The following FAT3 variants were observed in gnomAD, a reference collection of about 807,000 sequenced individuals.
The protein encoded by FAT3 is FAT atypical cadherin 3, also known as protocadherin Fat 3.
Under a neutral mutation model 310.2 loss-of-function variants are expected in FAT3, and 95 were observed. The observed-to-expected ratio is 0.31, with a 90% CI of 0.26 to 0.36. FAT3 has a LOEUF of 0.36. Ranked by LOEUF, FAT3 falls within the 10% of genes least tolerant of loss-of-function variation. The pLI is 1.00. For synonymous variants in FAT3, 2,314 were observed against 2,192.9 expected, an observed-to-expected ratio of 1.06 and a Z score of -1.54; for missense variants, 5,408 against 5,715.6, an observed-to-expected ratio of 0.95 and a Z score of 1.74.
At chr11:92,754,866 AAAAAATAAT>A (rs1017554702) in intron 4 of FAT3, among the ~76,000 whole-genome samples, 17 of 151,880 alleles carry the variant, frequency 1.1e-4, no homozygotes, top group African/African-American at 3.6e-4. Context: ...GACTTGATCT[AAAAAATAAT>A]AATAATAATA....
intron 1 of FAT3, among the ~76,000 whole-genome samples, chr11:92,311,568 C>T (rs974051014): frequency 6.6e-6 from 1 of 152,182 alleles, no homozygotes; most frequent in African/African-American, 2.4e-5. Context: ...AATATTGATG[C>T]ATCCACTTAA....
Position 92,770,605 on chromosome 11 carries a change from A to G in FAT3, c.4196-3436A>G, listed in dbSNP as rs138418811. On this transcript the variant is annotated intron_variant, in intron 6 of 27. Coordinates refer to ENST00000525166, the MANE Select transcript of FAT3 (RefSeq NM_001367949.2). Reference sequence around the variant, plus strand: ...TCCGTGTTCTGGAAGCTGCTCACATAACACCTTCCCCTTGGTGACAACTAG... The same window carrying G: ...TCCGTGTTCTGGAAGCTGCTCACATGACACCTTCCCCTTGGTGACAACTAG... 3.3e-5 allele frequency among the ~76,000 whole-genome samples: 5 copies of G among 152,208 alleles called. No individual in the cohort carries two copies. In the East Asian group the frequency reaches 9.7e-4, roughly 29 times the overall value.
intron 7 of FAT3, among the ~76,000 whole-genome samples, chr11:92,777,927 C>T (rs990930817): frequency 2.6e-5 from 4 of 151,948 alleles, no homozygotes; most frequent in Non-Finnish European, 4.4e-5. Flanking sequence ...GGGTTTGCCT[C>T]ACATGTTGCT....
At chr11:92,805,078 C>CACCT in intron 10 of FAT3, 75 bp from the exon 11 acceptor site, 16 of 1,453,488 alleles carry the variant, frequency 1.1e-5, no homozygotes, top group Non-Finnish European at 1.3e-5. Context: ...ACTCCACATG[C>CACCT]ACCTCTCAAG....
Position 92,831,911 on chromosome 11 carries a change from T to G in FAT3, c.9771T>G (p.Ala3257=). The G allele has an allele frequency of 1.2e-6, 2 of 1,610,696 alleles. No homozygotes were observed. The highest frequency in any genetic ancestry group is 1.7e-6 in the Non-Finnish European group (2 of 1,178,488). Residue 3257 remains alanine, a synonymous_variant, in exon 14 of 28, where the codon GCT becomes GCG. Coordinates refer to ENST00000525166, the MANE Select transcript of FAT3 (RefSeq NM_001367949.2). The part of the protein sequence containing the change: ...EDTSPGTQVL[A]VFATSKDIGT... Reference sequence around the variant, plus strand: ...CCTCCCCTGGCACCCAAGTCCTTGCTGTTTTTGCCACCAGCAAAGATATTG... The same window carrying G: ...CCTCCCCTGGCACCCAAGTCCTTGCGGTTTTTGCCACCAGCAAAGATATTG...
chr11:92,876,781 A>G (rs1949544996), intron 22 of FAT3, among the ~76,000 whole-genome samples: 1 of 152,250 alleles, frequency 6.6e-6, no homozygotes, highest in African/African-American at 2.4e-5. Context: ...TGTAATGGGT[A>G]TTCAGCAAAA....
Position 92,541,830 on chromosome 11 carries a change from G to A in FAT3, c.3607+16882G>A, listed in dbSNP as rs369049757. Among the ~76,000 whole-genome samples, 39 of 152,234 alleles carry A rather than the reference G, an allele frequency of 2.6e-4. No individual in the cohort carries two copies. The South Asian group carries it at 7.9e-3, about 31-fold the overall frequency. On this transcript the variant is annotated intron_variant, in intron 3 of 27. Transcript: ENST00000525166. The stretch of plus-strand genomic sequence containing the variant: ...AAAATGCCCGTTACTTTTATAAATA[G>A]GAGAAATACGGGAGTTGGTCTTTGC...
At chr11:92,516,752 C>G (rs1016455563) in intron 2 of FAT3, among the ~76,000 whole-genome samples, 4 of 152,138 alleles carry the variant, frequency 2.6e-5, no homozygotes, top group African/African-American at 9.7e-5. Flanking sequence ...GTCGTCTCAG[C>G]CCCAAATTTC....
intron 3 of FAT3, among the ~76,000 whole-genome samples, chr11:92,610,155 G>GA (rs1940494846): frequency 6.6e-6 from 1 of 152,110 alleles, no homozygotes; most frequent in Admixed American, 6.5e-5. Flanking sequence ...TTTGCTAACT[G>GA]AATTAAATGA....
chr11:92,691,860 AAGC>A (rs1943806519), intron 3 of FAT3, among the ~76,000 whole-genome samples: 1 of 152,194 alleles, frequency 6.6e-6, no homozygotes, highest in Non-Finnish European at 1.5e-5. Context: ...TTTTTTAAAA[AAGC>A]AACCATGTAA....
intron 1 of FAT3, among the ~76,000 whole-genome samples, chr11:92,240,196 A>ACATTTTTTT (rs201645733): frequency 0.031 from 4,738 of 152,136 alleles, 119 homozygotes; most frequent in South Asian, 0.053. Context: ...TTTTAGTTTT[A>ACATTTTTTT]CATTTTTTTC....
intron 4 of FAT3, among the ~76,000 whole-genome samples, chr11:92,742,614 G>C (rs982541420): frequency 1.3e-5 from 2 of 152,128 alleles, no homozygotes; most frequent in Non-Finnish European, 2.9e-5. Context: ...TCTCAGGAGT[G>C]GGTTCTGGAT....
intron 2 of FAT3, among the ~76,000 whole-genome samples, chr11:92,397,257 G>C (rs553429156): frequency 6.6e-6 from 1 of 152,248 alleles, no homozygotes; most frequent in African/African-American, 2.4e-5. Context: ...GCACTAAGCA[G>C]TACATTTGCC....
intron 2 of FAT3, among the ~76,000 whole-genome samples, chr11:92,489,408 C>T (rs1360843518): frequency 6.6e-6 from 1 of 152,050 alleles, no homozygotes; most frequent in Non-Finnish European, 1.5e-5. Context: ...TATTTAGTCC[C>T]CGAATGTACT....
At position 92,713,556 on chromosome 11, in the gene FAT3, C is replaced by T. The variant is rs532809686; in HGVS notation, c.3669+16111C>T. 3.9e-5 allele frequency among the ~76,000 whole-genome samples: 6 copies of T among 152,300 alleles called. 1 individual carries two copies. In the South Asian group the frequency reaches 1.2e-3, roughly 32 times the overall value. Reference sequence around the variant, plus strand: ...TCATCCACATGCATATTGGTTCTTACATCTTGGGTACCCTGTACTTTAATT... The same window carrying T: ...TCATCCACATGCATATTGGTTCTTATATCTTGGGTACCCTGTACTTTAATT... On this transcript the variant is annotated intron_variant, in intron 4 of 27. Coordinates refer to ENST00000525166, the MANE Select transcript of FAT3 (RefSeq NM_001367949.2).
intron 1 of FAT3, among the ~76,000 whole-genome samples, chr11:92,347,937 T>A (rs1948459209): frequency 1.3e-5 from 2 of 152,168 alleles, no homozygotes; most frequent in Admixed American, 1.3e-4. Context: ...ATAGCTTGGC[T>A]TCAATGTGGA....
At chr11:92,265,254 A>G (rs1945903949) in intron 1 of FAT3, among the ~76,000 whole-genome samples, 2 of 151,784 alleles carry the variant, frequency 1.3e-5, no homozygotes, top group South Asian at 4.2e-4. Context: ...TAGACTAGGA[A>G]CAAAAATTGT....
intron 1 of FAT3, among the ~76,000 whole-genome samples, chr11:92,243,222 T>G (rs1277646885): frequency 6.6e-6 from 1 of 152,040 alleles, no homozygotes; most frequent in African/African-American, 2.4e-5. Context: ...TCAACCAATA[T>G]TGAATAAAAT....
chr11:92,294,176 A>G (rs1211340246), intron 1 of FAT3, among the ~76,000 whole-genome samples: 2 of 152,022 alleles, frequency 1.3e-5, no homozygotes, highest in African/African-American at 4.8e-5. Context: ...TTTGCCCTCA[A>G]ATGGCTTTTC....
Sources: allele counts gnomAD v4.1 joint callset (sites outside exome capture counted in the v4.1 genomes callset), GRCh38; gene constraint gnomAD v4.1.1; transcripts MANE v1.5; gene names NCBI Gene and HGNC (gene_info 2026-07-23, HGNC 2026-07-21).